Variants in STARD9 observed in about 807,000 individuals in gnomAD.
The protein encoded by STARD9 is stAR-related lipid transfer protein 9.
In STARD9, 346 loss-of-function variants were observed where a neutral mutation model predicts 399.8. That is an observed-to-expected ratio of 0.87 (90% CI 0.79 to 0.95). The LOEUF (loss-of-function observed/expected upper bound fraction) is 0.95. STARD9 is among the 40% of genes least tolerant of loss of function. STARD9 has a pLI of 0.00. For missense variants in STARD9, 5,832 were observed against 5,667.5 expected (o/e 1.03, Z -0.93); for synonymous variants, 2,203 against 2,143.5 (o/e 1.03, Z -0.77).
Position 42,693,165 on chromosome 15 carries a change from TCC to T in STARD9, c.11590_11591del (p.Pro3864SerfsTer41). ...AGTTGTCAGCAGTCCCAGTCCCAGC[TCC>T]CCTCATTCCCCAGGGCTCTTTCCCA... ...CLVVSSPSPS[S>X]PHSPGLFPST... On this transcript the variant is annotated frameshift_variant, in exon 23 of 33. Transcript: ENST00000290607. LOFTEE classifies it high-confidence loss of function. 6.5e-7 allele frequency: 1 copy of T among 1,537,036 alleles called. No homozygotes were observed. Among genetic ancestry groups the T allele is most frequent in the Non-Finnish European group, 8.7e-7 (1 of 1,146,872 alleles).
At chr15:42,651,659 G>A (rs17711135) in intron 8 of STARD9, among the ~76,000 whole-genome samples, 160 of 152,072 alleles carry the variant, frequency 1.1e-3, no homozygotes, top group South Asian at 8.5e-3. Flanking sequence ...GGGTAAAAAG[G>A]TCTTTAGAGC....
chr15:42,591,745 C>T (rs1354796930), intron 3 of STARD9, among the ~76,000 whole-genome samples: 1 of 152,128 alleles, frequency 6.6e-6, no homozygotes, highest in Non-Finnish European at 1.5e-5. Context: ...TGGTGAAATG[C>T]CTGAGTAAAT....
chr15:42,597,431 G>T (rs975617422), intron 3 of STARD9, among the ~76,000 whole-genome samples: 1 of 151,946 alleles, frequency 6.6e-6, no homozygotes, highest in African/African-American at 2.4e-5. Context: ...GCAGTGGTGC[G>T]GTCTCAGCTC....
intron 7 of STARD9, among the ~76,000 whole-genome samples, chr15:42,650,783 C>T (rs1174148224): frequency 6.6e-6 from 1 of 152,076 alleles, no homozygotes; most frequent in Non-Finnish European, 1.5e-5. Context: ...ACTTATAGAC[C>T]ATAATCTCTG....
chr15:42,668,238 T>C (rs952583691), intron 15 of STARD9, among the ~76,000 whole-genome samples: 1 of 152,226 alleles, frequency 6.6e-6, no homozygotes, highest in Non-Finnish European at 1.5e-5. Context: ...ACAGGTACCC[T>C]GTAGTTTCCT....
chr15:42,691,393 C>T lies in STARD9; in HGVS notation c.9815C>T (p.Thr3272Ile), dbSNP rs781611439. The change falls in exon 23 of 33, where the codon ACT becomes ATT. Residue 3272 changes from threonine to isoleucine, a missense_variant. Thr to Ile is a moderately conservative substitution (Grantham distance 89). Transcript: ENST00000290607. ...ILSQGFKDPATVSLRQNETPQ... is the reference protein window; with the variant it reads ...ILSQGFKDPAIVSLRQNETPQ... The stretch of plus-strand genomic sequence containing the variant: ...TCACAGGGCTTCAAAGACCCAGCCA[C>T]TGTGTCCTTGAGGCAAAATGAAACA... 2.0e-6 allele frequency: 3 copies of T among 1,537,262 alleles called. No individual in the cohort carries two copies. The South Asian group carries it at 3.6e-5, about 18-fold the overall frequency.
At chr15:42,600,646 C>G (rs1292790135) in intron 3 of STARD9, among the ~76,000 whole-genome samples, 2 of 151,692 alleles carry the variant, frequency 1.3e-5, no homozygotes, top group African/African-American at 4.8e-5. Flanking sequence ...CTGCCTCAGC[C>G]TCCCGAGTAG....
rs1339565937 is a variant in STARD9 at position 42,663,704 on chromosome 15, T to G, written c.1079-116T>G. 28 of 895,138 alleles carry G rather than the reference T, an allele frequency of 3.1e-5. 1 individual carries two copies. The South Asian group carries it at 3.6e-4, about 11-fold the overall frequency. 55.4% of individuals were successfully genotyped at this position (895,138 alleles called of 1,614,324 possible). Reference sequence around the variant, plus strand: ...TCTCAGAGAAAGGGCCATGACCACCTAGGTTTCTCATTTCATCAGGGGTCT... The same window carrying G: ...TCTCAGAGAAAGGGCCATGACCACCGAGGTTTCTCATTTCATCAGGGGTCT... On this transcript the variant is annotated intron_variant, in intron 12 of 32. Coordinates refer to ENST00000290607, the MANE Select transcript of STARD9 (RefSeq NM_020759.3).
At chr15:42,591,589 G>T (rs2058395414) in intron 3 of STARD9, among the ~76,000 whole-genome samples, 1 of 152,112 alleles carries the variant, frequency 6.6e-6, no homozygotes, top group African/African-American at 2.4e-5. Context: ...CAGGTGGTTA[G>T]TGCTCAAGCT....
chr15:42,690,493 C>G lies in STARD9; in HGVS notation c.8915C>G (p.Ser2972Cys), dbSNP rs777150291. 3.3e-6 allele frequency: 5 copies of G among 1,537,218 alleles called. No individual in the cohort carries two copies. The South Asian group carries it at 5.9e-5, about 18-fold the overall frequency. The change falls in exon 23 of 33, where the codon TCT becomes TGT. Residue 2972 changes from serine (S) to cysteine (C), a missense_variant. Around this residue, in one of 2 missense-constraint regions of STARD9, gnomAD observed 5,828 missense variants for 5,651.1 expected, o/e 1.03. Coordinates refer to ENST00000290607, the MANE Select transcript of STARD9 (RefSeq NM_020759.3). ...VATHAYSSHS[S>C]TLLCFRDGDL... is the part of the protein sequence containing the mutation. ...ACTCATGCTTATTCCTCCCATTCCT[C>G]TACTTTACTGTGTTTTAGAGATGGT... is the stretch of plus-strand genomic sequence containing the variant.
chr15:42,694,566 C>G lies in STARD9; in HGVS notation c.12803C>G (p.Ala4268Gly). 1 of 1,537,180 alleles carries G rather than the reference C, an allele frequency of 6.5e-7. No homozygotes were observed. Among genetic ancestry groups the G allele is most frequent in the Non-Finnish European group, 8.7e-7 (1 of 1,146,894 alleles). ...ATTGAGACCCTCAGGAGAGAGCGGG[C>G]TGAGCGACTTGGGAACTTCTGCCGG... The part of the protein sequence containing the change: ...KAIETLRRER[A>G]ERLGNFCRTR... The change falls in exon 24 of 33, where the codon GCT becomes GGT. Residue 4268 changes from alanine (A) to glycine (G), a missense_variant. Coordinates refer to ENST00000290607, the MANE Select transcript of STARD9 (RefSeq NM_020759.3).
chr15:42,606,840 A>G (rs1273528136), intron 3 of STARD9, among the ~76,000 whole-genome samples: 3 of 151,970 alleles, frequency 2.0e-5, no homozygotes, highest in Non-Finnish European at 2.9e-5. Flanking sequence ...CCCTGAGTAG[A>G]CCTAACTGAC....
rs575265908 is a variant in STARD9, at chr15:42,719,420, T to C, written c.14002-53T>C. 3 of 1,199,262 alleles carry C rather than the reference T, an allele frequency of 2.5e-6. No individual in the cohort carries two copies. The South Asian group carries it at 3.9e-5, about 16-fold the overall frequency. 74.3% of individuals were successfully genotyped at this position (1,199,262 alleles called of 1,614,324 possible). On this transcript the variant is annotated intron_variant, in intron 32 of 32. Transcript: ENST00000290607. ...GGACTCCATGGGACTGGAGTACGCC[T>C]GGCATTCTCTCAAATCTATTTGCAC... is the stretch of plus-strand genomic sequence containing the variant.
In STARD9 at chr15:42,686,584, C is replaced by T. The variant is rs1202546587; in HGVS notation, c.5006C>T (p.Ser1669Phe). ...ACAGCCACCAAAGCAGACCATTGGT[C>T]CCAAGGCTGGGCTCCTCTCAGGAAA... ...VTTATKADHWSQGWAPLRKNS... is the reference protein window; with the variant it reads ...VTTATKADHWFQGWAPLRKNS... The change falls in exon 23 of 33, where the codon TCC (serine) becomes TTC (phenylalanine). Residue 1669 changes from serine to phenylalanine, a missense_variant. Physicochemically the swap from Ser to Phe is radical, Grantham distance 155 (BLOSUM62 -2). Transcript: ENST00000290607. 13 of 1,537,328 alleles carry T rather than the reference C, an allele frequency of 8.5e-6. No individual in the cohort carries two copies. The highest frequency in any genetic ancestry group is 1.1e-5 in the Non-Finnish European group (13 of 1,147,018).
chr15:42,719,439 T>G, intron 32 of STARD9, 34 bp from the exon 33 acceptor site: 7 of 1,383,222 alleles, frequency 5.1e-6, no homozygotes, highest in Non-Finnish European at 7.0e-6. Context: ...CTCAAATCTA[T>G]TTGCACCTTA....
At chr15:42,648,963 C>G (rs181359744) in intron 7 of STARD9, among the ~76,000 whole-genome samples, 194 of 152,106 alleles carry the variant, frequency 1.3e-3, no homozygotes, top group South Asian at 3.5e-3. Flanking sequence ...TTTTGGACTC[C>G]TGGGCTCAAG....
intron 26 of STARD9, among the ~76,000 whole-genome samples, chr15:42,697,799 C>CA (rs1454550682): frequency 2.0e-5 from 3 of 152,104 alleles, no homozygotes; most frequent in Non-Finnish European, 4.4e-5. Flanking sequence ...GCAAATTCTC[C>CA]AAAATCCGAA....
intron 3 of STARD9, among the ~76,000 whole-genome samples, chr15:42,611,843 C>A (rs1362988999): frequency 6.6e-6 from 1 of 152,194 alleles, no homozygotes; most frequent in East Asian, 1.9e-4. Context: ...AGCCACATGA[C>A]ACTGGAATAT....
In STARD9 at chr15:42,684,917, A is replaced by G. The variant is rs762423481; in HGVS notation, c.3339A>G (p.Ser1113=). ...GCAACTACTCATTGGATTCTCTCTC[A>G]TGTGTCTATGCCAAAGCCCTGATAG... ...TDSNYSLDSL[S]CVYAKALIEP... The change falls in exon 23 of 33, where the codon TCA becomes TCG. Residue 1113 remains serine (S), a synonymous_variant. Transcript: ENST00000290607. The G allele has an allele frequency of 9.8e-6, 15 of 1,536,944 alleles. No homozygotes were observed. The highest frequency in any genetic ancestry group is 7.3e-5 in the East Asian group (3 of 40,936).
Sources: gnomAD v4.1 joint callset for allele counts (sites outside exome capture counted in the v4.1 genomes callset) on GRCh38, gnomAD v4.1.1 for gene constraint, gnomAD v4.1.1 regional missense constraint, MANE v1.5 for transcripts, NCBI Gene and HGNC (gene_info 2026-07-23, HGNC 2026-07-21) for gene names.